Variants in CSGALNACT1 observed in about 807,000 individuals in gnomAD.
The protein encoded by CSGALNACT1 is beta4GalNAcT-1.
In CSGALNACT1, 52 loss-of-function variants were observed where a neutral mutation model predicts 51.0. The observed-to-expected ratio is 1.02, with a 90% CI of 0.82 to 1.29. The LOEUF (loss-of-function observed/expected upper bound fraction) is 1.29, where lower values mean the gene tolerates loss of function less well. Ranked by LOEUF, CSGALNACT1 falls within the 50% of genes most tolerant of loss-of-function variation. The probability of loss-of-function intolerance (pLI) is 0.00; values close to 1 mark genes in which losing one functional copy is unlikely to be tolerated. For synonymous variants in CSGALNACT1, 341 were observed against 254.4 expected (o/e 1.34, Z -3.24); for missense variants, 935 against 679.2 (o/e 1.38, Z -4.19).
At chr8:19,573,433 A>G (rs75670192) in intron 3 of CSGALNACT1, among the ~76,000 whole-genome samples, 9,664 of 152,010 alleles carry the variant, frequency 0.064, 364 homozygotes, top group South Asian at 0.12. Flanking sequence ...CACTTAAGTC[A>G]TGAAATATTC....
At chr8:19,533,757 T>C (rs1369468244) in intron 3 of CSGALNACT1, among the ~76,000 whole-genome samples, 2 of 152,204 alleles carry the variant, frequency 1.3e-5, no homozygotes, top group African/African-American at 4.8e-5. Context: ...AATATACTGA[T>C]CATAATGCTC....
rs144701822 is a variant in CSGALNACT1 at position 19,551,513 on chromosome 8, G to A, written c.-297+39647C>T. On this transcript the variant is annotated intron_variant, in intron 3 of 9. Transcript: ENST00000454498. ...GAGCATTTCCTCCTGTCTCCCTGTC[G>A]GTTCACTGGCAATAAACTTCTCTCC... 5.7e-3 allele frequency among the ~76,000 whole-genome samples: 865 copies of A among 152,242 alleles called. 9 individuals are homozygous for A. Among genetic ancestry groups the A allele is most frequent in the Non-Finnish European group, 9.4e-3 (639 of 68,010 alleles).
chr8:19,626,857 C>G (rs1005469133), intron 1 of CSGALNACT1, among the ~76,000 whole-genome samples: 1 of 152,086 alleles, frequency 6.6e-6, no homozygotes, highest in Non-Finnish European at 1.5e-5. Context: ...AATGAGATAC[C>G]ACTACACACC....
At chr8:19,588,789 G>A (rs775559441) in intron 3 of CSGALNACT1, among the ~76,000 whole-genome samples, 2 of 152,192 alleles carry the variant, frequency 1.3e-5, no homozygotes, top group African/African-American at 4.8e-5. Context: ...TGGGGGATGC[G>A]AGAGGGCAGA....
chr8:19,561,297 GTACATATTT>G (rs2040655542), intron 3 of CSGALNACT1, among the ~76,000 whole-genome samples: 1 of 152,100 alleles, frequency 6.6e-6, no homozygotes, highest in Non-Finnish European at 1.5e-5. Context: ...GAACATTTTT[GTACATATTT>G]TTGGTCTTAT....
intron 4 of CSGALNACT1, among the ~76,000 whole-genome samples, chr8:19,494,801 A>G (rs957330362): frequency 2.0e-5 from 3 of 149,664 alleles, no homozygotes; most frequent in African/African-American, 4.9e-5. Flanking sequence ...TTTCCATAGC[A>G]TTGAGAAACC....
chr8:19,605,335 C>G (rs1190155021), upstream of CSGALNACT1, among the ~76,000 whole-genome samples: 1 of 152,108 alleles, frequency 6.6e-6, no homozygotes, highest in African/African-American at 2.4e-5. Context: ...ACTCAGGAGA[C>G]TGAGGCATGA....
upstream of CSGALNACT1, among the ~76,000 whole-genome samples, chr8:19,686,376 C>G (rs1398281403): frequency 6.6e-6 from 1 of 152,186 alleles, no homozygotes; most frequent in African/African-American, 2.4e-5. Context: ...TCAGGGGGCT[C>G]AAAGAAGCCC....
At chr8:19,598,133 T>C (rs184895391) in intron 2 of CSGALNACT1, among the ~76,000 whole-genome samples, 3 of 152,094 alleles carry the variant, frequency 2.0e-5, no homozygotes, top group Non-Finnish European at 4.4e-5. Flanking sequence ...GGCTTGGAGG[T>C]AGAACCCAAC....
chr8:19,689,426 C>A (rs774398245), intron 1 of CSGALNACT1, among the ~76,000 whole-genome samples: 1 of 152,232 alleles, frequency 6.6e-6, no homozygotes, highest in South Asian at 2.1e-4. Flanking sequence ...CCAGCTGACA[C>A]TGCATGGAAC....
exon 10 of CSGALNACT1, chr8:19,405,605 G>T: frequency 2.3e-6 from 2 of 880,248 alleles, no homozygotes; most frequent in Non-Finnish European, 3.6e-6. Flanking sequence ...GCAAAGCGGA[G>T]ATTTTGATTT....
At position 19,645,907 on chromosome 8, in the gene CSGALNACT1, T is replaced by A. The variant is rs530719645; in HGVS notation, c.-544+36566A>T. ...AAACTCCACACAGCCTAGAAAAAAA[T>A]GAGGATAAAAGGAATGGGTAAACGG... On this transcript the variant is annotated intron_variant, in intron 1 of 9. Transcript: ENST00000332246. 9.9e-5 allele frequency among the ~76,000 whole-genome samples: 15 copies of A among 151,352 alleles called. No homozygotes were observed. The South Asian group carries it at 3.2e-3, about 32-fold the overall frequency.
intron 3 of CSGALNACT1, among the ~76,000 whole-genome samples, chr8:19,569,474 A>G (rs1362860578): frequency 1.3e-5 from 2 of 152,202 alleles, no homozygotes; most frequent in Non-Finnish European, 2.9e-5. Context: ...CACCTGGTGA[A>G]TTAAAACTTC....
At chr8:19,750,778 T>G (rs991735396) in intron 1 of CSGALNACT1, among the ~76,000 whole-genome samples, 5 of 152,270 alleles carry the variant, frequency 3.3e-5, no homozygotes, top group Admixed American at 6.5e-5. Context: ...ATAGAACAGG[T>G]GCATAAAAAT....
At chr8:19,650,024 G>A (rs1295332612) in intron 1 of CSGALNACT1, among the ~76,000 whole-genome samples, 1 of 151,760 alleles carries the variant, frequency 6.6e-6, no homozygotes, top group African/African-American at 2.4e-5. Flanking sequence ...TGAAATGCAG[G>A]GTCAGCAGGC....
At chr8:19,445,785 T>C (rs1187242756) in intron 5 of CSGALNACT1, among the ~76,000 whole-genome samples, 1 of 152,228 alleles carries the variant, frequency 6.6e-6, no homozygotes, top group Non-Finnish European at 1.5e-5. Context: ...CTCTAAATAA[T>C]TCTGAGTAAA....
chr8:19,438,198 G>T (rs1345844751), intron 6 of CSGALNACT1, among the ~76,000 whole-genome samples: 1 of 150,580 alleles, frequency 6.6e-6, no homozygotes. Context: ...GGCGGGGGTC[G>T]GGGGGCAGCC....
chr8:19,692,944 G>A (rs1470489390), intron 1 of CSGALNACT1, among the ~76,000 whole-genome samples: 1 of 152,216 alleles, frequency 6.6e-6, no homozygotes, highest in Non-Finnish European at 1.5e-5. Flanking sequence ...TGCATCTGAT[G>A]CTCTGAGGCC....
At chr8:19,440,306 C>G (rs146539730) in intron 5 of CSGALNACT1, among the ~76,000 whole-genome samples, 6,834 of 152,080 alleles carry the variant, frequency 0.045, 187 homozygotes, top group Middle Eastern at 0.085. Flanking sequence ...AACATTGATG[C>G]AAAAATCCTC....
Sources: gnomAD v4.1 joint callset for allele counts (sites outside exome capture counted in the v4.1 genomes callset) on GRCh38, gnomAD v4.1.1 for gene constraint, MANE v1.5 for transcripts, NCBI Gene and HGNC (gene_info 2026-07-23, HGNC 2026-07-21) for gene names.